Variants in LRRC9 observed in about 807,000 individuals in gnomAD.
LRRC9 encodes the protein leucine rich repeat containing 9.
Under a neutral mutation model 63.2 loss-of-function variants are expected in LRRC9, and 122 were observed. That is an observed-to-expected ratio of 1.93 (90% CI 1.67 to 2.24). The LOEUF (loss-of-function observed/expected upper bound fraction) is 2.24, where lower values mean the gene tolerates loss of function less well. Among genes scored for constraint, LRRC9 ranks in the 30% most tolerant of loss-of-function variants. LRRC9 has a pLI of 0.00. For synonymous variants in LRRC9, 366 were observed against 213.1 expected (o/e 1.72, Z -6.25); for missense variants, 1,071 against 627.7 (o/e 1.71, Z -7.55).
At chr14:60,033,391 C>A (rs746730983) in intron 29 of LRRC9, among the ~76,000 whole-genome samples, 1 of 152,044 alleles carries the variant, frequency 6.6e-6, no homozygotes, top group Non-Finnish European at 1.5e-5. Context: ...CAAAAGAATG[C>A]TTTAAAGTTG....
At chr14:59,937,195 TAAAAAAAAAAA>T (rs755193026) in intron 6 of LRRC9, among the ~76,000 whole-genome samples, 3 of 89,484 alleles carry the variant, frequency 3.4e-5, no homozygotes, top group Non-Finnish European at 4.7e-5. Flanking sequence ...ATGTTTTCTG[TAAAAAAAAAAA>T]AAAAAAAAAA....
At chr14:59,997,723 T>A (rs547247961) in exon 18 of LRRC9, 11 of 702,690 alleles carry the variant, frequency 1.6e-5, no homozygotes, top group South Asian at 1.5e-4. Flanking sequence ...AGAGGTCTGA[T>A]GAAACTGAAG....
In LRRC9 at chr14:60,001,942, ACTG is replaced by A. The variant is rs1566865274; in HGVS notation, c.2530-23_2530-21del. ...CCTCTGTATACTGTTTCCTTTTTTCACTGTATTTTTTAAATTTTATTAGTTATC... is the reference window on the plus strand; with the variant it reads ...CCTCTGTATACTGTTTCCTTTTTTCATATTTTTTAAATTTTATTAGTTATC... On this transcript the variant is annotated intron_variant, in intron 19 of 31. Coordinates refer to ENST00000445360, the Ensembl canonical transcript of LRRC9. The A allele has an allele frequency of 1.5e-4, 95 of 631,430 alleles. 1 individual carries two copies. In the Admixed American group the frequency reaches 2.3e-3, roughly 16 times the overall value. The allele number at this position is 631,430 out of a possible 1,614,324, so 39.1% of individuals were successfully genotyped here. A position where few individuals can be genotyped will look rare whatever the true frequency, so the allele number is the denominator to read the frequency against.
chr14:59,971,812 A>G lies in LRRC9; in HGVS notation c.1507-2764A>G, dbSNP rs1594904298. 2.6e-5 allele frequency among the ~76,000 whole-genome samples: 4 copies of G among 152,044 alleles called. No individual in the cohort carries two copies. In the East Asian group the frequency reaches 5.8e-4, roughly 22 times the overall value. On this transcript the variant is annotated intron_variant, in intron 12 of 31. Coordinates refer to ENST00000445360, the Ensembl canonical transcript of LRRC9. ...ATCCCATTGCCTGCGACCACTTTCA[A>G]CCCTTAGAACTTTCCTTCTAATCTC...
chr14:60,017,870 A>C lies in LRRC9; in HGVS notation c.3318-501A>C, dbSNP rs1177414183. ...TTCACACAGGGTGGAATGCCATAAA[A>C]GTTTCCAGAAGATACCACAGAAACT... is the stretch of plus-strand genomic sequence containing the variant. On this transcript the variant is annotated intron_variant, in intron 24 of 31. Transcript: ENST00000445360. The surrounding 1 kb of genome is among the most constrained non-coding windows in gnomAD (Gnocchi z 4.0). 1.3e-5 allele frequency among the ~76,000 whole-genome samples: 2 copies of C among 152,116 alleles called. No individual in the cohort carries two copies. The highest frequency in any genetic ancestry group is 2.9e-5 in the Non-Finnish European group (2 of 67,992).
intron 17 of LRRC9, among the ~76,000 whole-genome samples, chr14:59,994,143 C>G (rs1888476402): frequency 2.0e-5 from 3 of 152,006 alleles, no homozygotes; most frequent in Admixed American, 1.3e-4. Context: ...CAAACTAGAA[C>G]TCAGGATTAA....
rs1027687738 is a variant in LRRC9, at chr14:60,003,544, T to C, written c.2665-77T>C. ...ATTTATCACATTTGAATTATTTCAT[T>C]AGCTTTTTAAAATGTTATTAACATT... On this transcript the variant is annotated intron_variant, in intron 20 of 31. Coordinates refer to ENST00000445360, the Ensembl canonical transcript of LRRC9. The surrounding 1 kb of genome is among the most constrained non-coding windows in gnomAD (Gnocchi z 4.2). 3 of 557,336 alleles carry C rather than the reference T, an allele frequency of 5.4e-6. No individual in the cohort carries two copies. Among genetic ancestry groups the C allele is most frequent in the African/African-American group, 1.9e-5 (1 of 51,798 alleles). 34.5% of individuals were successfully genotyped at this position (557,336 alleles called of 1,614,324 possible). A position where few individuals can be genotyped will look rare whatever the true frequency, so the allele number is the denominator to read the frequency against.
intron 28 of LRRC9, among the ~76,000 whole-genome samples, chr14:60,030,998 T>C (rs1449866532): frequency 6.6e-6 from 1 of 152,102 alleles, no homozygotes; most frequent in African/African-American, 2.4e-5. Context: ...ACAGACATTT[T>C]GATTAGGAAT....
chr14:59,961,894 T>C (rs1884386931), intron 10 of LRRC9, among the ~76,000 whole-genome samples: 1 of 152,156 alleles, frequency 6.6e-6, no homozygotes, highest in Admixed American at 6.5e-5. Context: ...AGGAACTGGG[T>C]ACATGGAAAT....
rs201809420 is a variant in LRRC9 at position 59,962,036 on chromosome 14, GA to G, written c.1211+1000del. 2.7e-5 allele frequency among the ~76,000 whole-genome samples: 4 copies of G among 150,244 alleles called. No individual in the cohort carries two copies. Among genetic ancestry groups the G allele is most frequent in the Non-Finnish European group, 1.5e-5 (1 of 67,488 alleles). ...ATGTAAAACTTACACTAACTTTTTA[GA>G]AAAAAAAACTGTTATTGTTATGGGT... is the stretch of plus-strand genomic sequence containing the variant. On this transcript the variant is annotated intron_variant, in intron 10 of 31. Transcript: ENST00000445360. This position sits in a 1 kb window ranked among gnomAD's most constrained non-coding sequence, Gnocchi z 5.1.
At chr14:60,002,668 A>G (rs1455369127) in intron 20 of LRRC9, among the ~76,000 whole-genome samples, 1 of 152,210 alleles carries the variant, frequency 6.6e-6, no homozygotes, top group Non-Finnish European at 1.5e-5. Context: ...TCCAAAAAAT[A>G]AAAAACAGGG....
intron 10 of LRRC9, 131 bp downstream of exon 10, chr14:59,961,176 A>G (rs764535835): frequency 2.1e-6 from 1 of 487,124 alleles, no homozygotes; most frequent in Non-Finnish European, 3.6e-6. Context: ...ATATTCATCT[A>G]TTGAAAATTG....
rs746387142 is a variant in LRRC9 at position 59,938,476 on chromosome 14, G to A, written c.630G>A (p.Leu210=). 32 of 698,122 alleles carry A rather than the reference G, an allele frequency of 4.6e-5. 1 individual carries two copies. The highest frequency in any genetic ancestry group is 2.2e-4 in the Admixed American group (11 of 49,362). The allele number at this position is 698,122 out of a possible 1,614,324, so 43.2% of individuals were successfully genotyped here. Residue 210 remains leucine (L), a synonymous_variant, in exon 7 of 32, where the codon CTG becomes CTA. Transcript: ENST00000445360. The surrounding 1 kb of genome is among the most constrained non-coding windows in gnomAD (Gnocchi z 4.2). ...ATACAACCAATCCAGTTTGTCTTCT[G>A]TGTAATTATTCCACACATGTATTAT...
At chr14:60,016,894 A>G (rs1890733015) in intron 24 of LRRC9, 104 bp downstream of exon 24, 3 of 525,136 alleles carry the variant, frequency 5.7e-6, no homozygotes, top group Non-Finnish European at 1.0e-5. Context: ...AATATAATCA[A>G]TAATTCATAA....
chr14:59,963,076 T>A (rs1237096422), intron 10 of LRRC9, among the ~76,000 whole-genome samples: 1 of 152,232 alleles, frequency 6.6e-6, no homozygotes, highest in Non-Finnish European at 1.5e-5. Context: ...CATTTCTAGT[T>A]GTTTTATTTA....
chr14:59,995,604 C>G (rs1017623623), intron 17 of LRRC9, among the ~76,000 whole-genome samples: 5 of 152,156 alleles, frequency 3.3e-5, no homozygotes, highest in Admixed American at 3.3e-4. Context: ...AAACAAAATG[C>G]TATTGCAAAA....
At chr14:59,985,439 A>G (rs572599449) in intron 17 of LRRC9, among the ~76,000 whole-genome samples, 5 of 152,222 alleles carry the variant, frequency 3.3e-5, no homozygotes, top group Non-Finnish European at 7.3e-5. Context: ...ACACAATTAT[A>G]TCAAATCATT....
At chr14:60,018,633 C>T (rs1186421907) in intron 25 of LRRC9, among the ~76,000 whole-genome samples, 154 bp downstream of exon 25, 2 of 151,008 alleles carry the variant, frequency 1.3e-5, no homozygotes, top group African/African-American at 4.9e-5. Context: ...CAAGAAAAAA[C>T]TATTACCTTC....
At chr14:59,954,105 G>GT (rs1883464699) in intron 8 of LRRC9, among the ~76,000 whole-genome samples, 1 of 152,184 alleles carries the variant, frequency 6.6e-6, no homozygotes, top group Non-Finnish European at 1.5e-5. Context: ...GATGCCTTCA[G>GT]CTTTATTCTT....
Sources: allele counts gnomAD v4.1 joint callset (sites outside exome capture counted in the v4.1 genomes callset), GRCh38; gene constraint gnomAD v4.1.1; non-coding constraint Gnocchi (gnomAD v3.1); transcripts MANE v1.5; gene names NCBI Gene and HGNC (gene_info 2026-07-23, HGNC 2026-07-21).